CABP1: variants seen among roughly 807,000 people sequenced by gnomAD.
CABP1 encodes calcium binding protein 1.
Under a neutral mutation model 34.3 loss-of-function variants are expected in CABP1, and 17 were observed. The ratio of observed to expected loss-of-function variants is 0.50; its 90% CI spans 0.34 to 0.74. The LOEUF is 0.74. Among genes scored for constraint, CABP1 ranks in the 30% least tolerant of loss-of-function variants. CABP1 has a pLI of 0.01. For missense variants in CABP1, 373 were observed against 511.1 expected, an observed-to-expected ratio of 0.73 and a Z score of 2.61; for synonymous variants, 198 against 229.2, an observed-to-expected ratio of 0.86 and a Z score of 1.23.
chr12:120,654,690 TGCAGGCCGAAGGCAGA>T (rs1880061501), intron 1 of CABP1, among the ~76,000 whole-genome samples: 2 of 151,516 alleles, frequency 1.3e-5, no homozygotes, highest in African/African-American at 4.8e-5. Context: ...GAAGGCAGAG[TGCAGGCCGAAGGCAGA>T]GTGCAGGAGC....
intron 1 of CABP1, among the ~76,000 whole-genome samples, chr12:120,651,952 G>C (rs929674142): frequency 5.3e-5 from 8 of 152,202 alleles, no homozygotes; most frequent in African/African-American, 1.9e-4. Context: ...GCTTGAGGAA[G>C]TGAACTTAAG....
Position 120,640,996 on chromosome 12 carries a change from C to T in CABP1, c.311C>T (p.Ser104Phe). ...CTGCCTAGCCGCCGGCTACCCGGCT[C>T]CTGCCCGGCGACGCCGCAGTCGTCC... ...PGLPSRRLPG[S>F]CPATPQSSGD... The change falls in exon 1 of 6, where the codon TCC becomes TTC. Residue 104 changes from serine to phenylalanine, a missense_variant. Transcript: ENST00000316803. This position sits in a 1 kb window ranked among gnomAD's most constrained non-coding sequence, Gnocchi z 6.2. 2.6e-6 allele frequency: 3 copies of T among 1,161,132 alleles called. No homozygotes were observed. The highest frequency in any genetic ancestry group is 3.2e-6 in the Non-Finnish European group (3 of 942,834). 71.9% of individuals were successfully genotyped at this position (1,161,132 alleles called of 1,614,324 possible).
intron 5 of CABP1, among the ~76,000 whole-genome samples, chr12:120,664,125 C>A (rs1880820428): frequency 6.6e-6 from 1 of 152,222 alleles, no homozygotes; most frequent in Non-Finnish European, 1.5e-5. Context: ...GACAGCCTTG[C>A]TCTTGAAAGC....
chr12:120,674,664 G>T, the CABP1 span, among the ~76,000 whole-genome samples: 2 of 152,114 alleles, frequency 1.3e-5, no homozygotes, highest in South Asian at 4.1e-4. Context: ...CAAGGCGGGT[G>T]GATCACCTGA....
chr12:120,675,443 C>A, the CABP1 span, among the ~76,000 whole-genome samples: 1 of 152,220 alleles, frequency 6.6e-6, no homozygotes, highest in Non-Finnish European at 1.5e-5. Context: ...GAGGGCCTGG[C>A]TCAGGGCCCT....
the CABP1 span, among the ~76,000 whole-genome samples, chr12:120,672,768 G>A: frequency 6.6e-6 from 1 of 150,582 alleles, no homozygotes; most frequent in African/African-American, 2.4e-5. Context: ...AGTGGCTCAC[G>A]TCTGTCATCC....
intron 1 of CABP1, among the ~76,000 whole-genome samples, chr12:120,646,437 G>C (rs1440572694): frequency 1.3e-5 from 2 of 152,204 alleles, no homozygotes; most frequent in African/African-American, 4.8e-5. Flanking sequence ...TGCTGCCACA[G>C]TGGATAGAGA....
chr12:120,669,094 G>A (rs942539238), downstream of CABP1, among the ~76,000 whole-genome samples: 5 of 152,132 alleles, frequency 3.3e-5, no homozygotes, highest in African/African-American at 1.2e-4. Flanking sequence ...GGGAGGCTGC[G>A]GGGTTGATGG....
intron 5 of CABP1, among the ~76,000 whole-genome samples, chr12:120,663,212 T>C (rs1408930424): frequency 1.3e-5 from 2 of 152,244 alleles, no homozygotes; most frequent in African/African-American, 4.8e-5. Flanking sequence ...GAACCCTATT[T>C]TCTTAATCAC....
chr12:120,672,601 CAAA>C, the CABP1 span, among the ~76,000 whole-genome samples: 59 of 99,266 alleles, frequency 5.9e-4, no homozygotes, highest in South Asian at 2.2e-3. Context: ...CATTGCACTC[CAAA>C]AAAAAAAAAA....
intron 1 of CABP1, among the ~76,000 whole-genome samples, chr12:120,658,001 C>G (rs1880350863): frequency 6.6e-6 from 1 of 152,000 alleles, no homozygotes; most frequent in African/African-American, 2.4e-5. Context: ...ACAAAACATC[C>G]TTTTTGGTCA....
At chr12:120,662,260 C>G (rs527811884) in intron 5 of CABP1, 2 of 152,324 alleles carry the variant, frequency 1.3e-5, no homozygotes, top group South Asian at 4.1e-4. Context: ...ACTCAACAGT[C>G]CTTCATTCAC....
At position 120,660,184 on chromosome 12, in the gene CABP1, T is replaced by C; in HGVS notation, c.686-12T>C. 6.2e-7 allele frequency: 1 copy of C among 1,613,878 alleles called. No homozygotes were observed. On this transcript the variant is annotated splice_polypyrimidine_tract_variant and intron_variant, in intron 2 of 5. Coordinates refer to ENST00000316803, the MANE Select transcript of CABP1 (RefSeq NM_001033677.2). The surrounding 1 kb of genome is among the most constrained non-coding windows in gnomAD (Gnocchi z 5.0). ...TACCCCTGACCACATCCACCTTTGC[T>C]CACTTCCCCAGAGCTCCGAGAGGCC...
intron 1 of CABP1, among the ~76,000 whole-genome samples, chr12:120,652,089 C>T (rs892567463): frequency 2.0e-5 from 3 of 152,202 alleles, no homozygotes; most frequent in Middle Eastern, 3.2e-3. Flanking sequence ...CTCTGTTCCT[C>T]GATTCCCTTG....
chr12:120,660,451 T>A lies in CABP1; in HGVS notation c.829+112T>A, dbSNP rs1880556008. ...CATCCACCTCTTACCAGCTCTGTGA[T>A]CTGGGGCCAACCACTTACCCTCTCT... On this transcript the variant is annotated intron_variant, in intron 3 of 5. Coordinates refer to ENST00000316803, the MANE Select transcript of CABP1 (RefSeq NM_001033677.2). The surrounding 1 kb of genome is among the most constrained non-coding windows in gnomAD (Gnocchi z 5.0). The A allele has an allele frequency of 2.5e-6, 3 of 1,220,334 alleles. No homozygotes were observed. The African/African-American group carries it at 4.5e-5, about 18-fold the overall frequency. The allele number at this position is 1,220,334 out of a possible 1,614,324, so 75.6% of individuals were successfully genotyped here.
chr12:120,657,715 C>T (rs956950489), intron 1 of CABP1, among the ~76,000 whole-genome samples: 1 of 152,184 alleles, frequency 6.6e-6, no homozygotes, highest in Non-Finnish European at 1.5e-5. Flanking sequence ...GCTCTGGTGG[C>T]GGGCACACTC....
rs762119586 is a variant in CABP1, at chr12:120,660,862, G to A, written c.939+22G>A. On this transcript the variant is annotated intron_variant, in intron 4 of 5. Transcript: ENST00000316803. This position sits in a 1 kb window ranked among gnomAD's most constrained non-coding sequence, Gnocchi z 5.0. ...AGAGGTAACGGACAGAGGCAGGCAG[G>A]CATGGGGCGGCTATTGGAATCCTAT... is the stretch of plus-strand genomic sequence containing the variant. The A allele has an allele frequency of 3.6e-5, 55 of 1,548,624 alleles. No homozygotes were observed. Among genetic ancestry groups the A allele is most frequent in the Non-Finnish European group, 4.8e-5 (54 of 1,120,544 alleles).
intron 1 of CABP1, among the ~76,000 whole-genome samples, chr12:120,653,638 A>G (rs932218268): frequency 6.6e-6 from 1 of 151,946 alleles, no homozygotes; most frequent in Non-Finnish European, 1.5e-5. Flanking sequence ...GGGTTCAGTG[A>G]TTTTCCTGCC....
intron 1 of CABP1, among the ~76,000 whole-genome samples, chr12:120,647,017 A>G (rs558559000): frequency 1.3e-5 from 2 of 152,270 alleles, no homozygotes; most frequent in African/African-American, 2.4e-5. Flanking sequence ...ATTTTTCCAT[A>G]GGGACCAGGT....
Sources: allele counts gnomAD v4.1 joint callset (sites outside exome capture counted in the v4.1 genomes callset), GRCh38; gene constraint gnomAD v4.1.1; non-coding constraint Gnocchi (gnomAD v3.1); transcripts MANE v1.5; gene names NCBI Gene and HGNC (gene_info 2026-07-23, HGNC 2026-07-21).